The following SLC6A11 variants were observed in gnomAD, a reference collection of about 807,000 sequenced individuals.
SLC6A11 encodes the protein sodium- and chloride-dependent GABA transporter 3.
SLC6A11 carries 25 observed loss-of-function variants against 74.8 expected under a neutral mutation model. The ratio of observed to expected loss-of-function variants is 0.33; its 90% CI spans 0.24 to 0.47. The LOEUF is 0.47. SLC6A11 is among the 20% of genes least tolerant of loss of function. The pLI is 1.00. For synonymous variants in SLC6A11, 330 were observed against 330.2 expected, an observed-to-expected ratio of 1.00 and a Z score of 0.01; for missense variants, 574 against 837.0, an observed-to-expected ratio of 0.69 and a Z score of 3.88.
chr3:10,863,505 A>T (rs1221455785), intron 5 of SLC6A11, among the ~76,000 whole-genome samples: 3 of 152,222 alleles, frequency 2.0e-5, no homozygotes, highest in South Asian at 4.1e-4. Flanking sequence ...ATGCACACAG[A>T]GTGCCAGAGG....
chr3:10,839,403 G>T (rs1243428500), intron 4 of SLC6A11, among the ~76,000 whole-genome samples: 1 of 152,178 alleles, frequency 6.6e-6, no homozygotes, highest in Non-Finnish European at 1.5e-5. Flanking sequence ...AGTCCTGCAG[G>T]CATTGCCCTG....
intron 4 of SLC6A11, among the ~76,000 whole-genome samples, chr3:10,843,027 C>T (rs1057168577): frequency 2.0e-5 from 3 of 152,064 alleles, no homozygotes; most frequent in African/African-American, 4.8e-5. Flanking sequence ...AGTGCCGAAG[C>T]GACTGGCATG....
intron 5 of SLC6A11, among the ~76,000 whole-genome samples, chr3:10,848,624 G>T (rs971940334): frequency 6.6e-6 from 1 of 152,204 alleles, no homozygotes. Context: ...TGTGCTTTGG[G>T]CTCCTTGGGA....
chr3:10,919,610 C>G (rs1695509540), intron 8 of SLC6A11, among the ~76,000 whole-genome samples: 1 of 152,200 alleles, frequency 6.6e-6, no homozygotes, highest in Admixed American at 6.5e-5. Context: ...AGCTCTGCTC[C>G]ATGACTGTTC....
Position 10,875,066 on chromosome 3 carries a change from C to T in SLC6A11, c.862C>T (p.Pro288Ser). 6.2e-7 allele frequency: 1 copy of T among 1,612,584 alleles called. No individual in the cohort carries two copies. Among genetic ancestry groups the T allele is most frequent in the Non-Finnish European group, 8.5e-7 (1 of 1,179,008 alleles). The change falls in exon 6 of 14, where the codon CCT (proline) becomes TCT (serine). Residue 288 changes from proline to serine, a missense_variant. Pro to Ser is a moderately conservative substitution (Grantham distance 74). Around this residue, in one of 4 missense-constraint regions of SLC6A11, gnomAD observed 215 missense variants for 357.9 expected, o/e 0.60. Transcript: ENST00000254488. Reference sequence around the variant, plus strand: ...AGAGGGCATCAAGTTCTACTTGTACCCTGACCTCTCCCGGCTCTCCGACCC... The same window carrying T: ...AGAGGGCATCAAGTTCTACTTGTACTCTGACCTCTCCCGGCTCTCCGACCC... ...ASEGIKFYLY[P>S]DLSRLSDPQV... is the part of the protein sequence containing the mutation.
At chr3:10,933,872 G>A (rs1452349130) in intron 11 of SLC6A11, 194 bp from the exon 12 acceptor site, 2 of 489,122 alleles carry the variant, frequency 4.1e-6, no homozygotes, top group South Asian at 2.9e-5. Context: ...TAGTGGGCCA[G>A]CATCCCTCCT....
chr3:10,918,496 GC>G lies in SLC6A11; in HGVS notation c.1120+45del, dbSNP rs761329933. ...GGGGATGGAAAAGGCGGCAAGGGAG[GC>G]CAGGAGTGATGGTCATCATGGAAAT... On this transcript the variant is annotated intron_variant, in intron 8 of 13. Coordinates refer to ENST00000254488, the MANE Select transcript of SLC6A11 (RefSeq NM_014229.3). This position sits in a 1 kb window ranked among gnomAD's most constrained non-coding sequence, Gnocchi z 4.5. The G allele has an allele frequency of 3.2e-6, 5 of 1,577,132 alleles. No homozygotes were observed. The South Asian group carries it at 4.7e-5, about 15-fold the overall frequency.
At position 10,912,074 on chromosome 3, in the gene SLC6A11, T is replaced by C; in HGVS notation, c.892-16T>C. 1.3e-6 allele frequency: 2 copies of C among 1,571,724 alleles called. No individual in the cohort carries two copies. Among genetic ancestry groups the C allele is most frequent in the Non-Finnish European group, 1.8e-6 (2 of 1,141,258 alleles). ...CTGACTTCTGTTTATGCCAACATCT[T>C]TGTGCCTTCCTACAGGTCTGGGTAG... On this transcript the variant is annotated splice_polypyrimidine_tract_variant and intron_variant, in intron 6 of 13. Transcript: ENST00000254488.
chr3:10,862,010 A>T (rs761788703), intron 5 of SLC6A11, among the ~76,000 whole-genome samples: 30 of 152,096 alleles, frequency 2.0e-4, no homozygotes, highest in Non-Finnish European at 3.7e-4. Context: ...CTGGCTCCAA[A>T]TGCGGCCCCT....
Position 10,935,142 on chromosome 3 carries a change from C to G in SLC6A11, c.1689C>G (p.Leu563=). 6.2e-7 allele frequency: 1 copy of G among 1,614,250 alleles called. No homozygotes were observed. Among genetic ancestry groups the G allele is most frequent in the Non-Finnish European group, 8.5e-7 (1 of 1,180,040 alleles). ...IGWLMALSSM[L]CIPLWICITV... ...GGCTCATGGCCCTGTCCTCCATGCT[C>G]TGCATCCCGCTCTGGATCTGCATCA... The change falls in exon 13 of 14, where the codon CTC becomes CTG. Residue 563 remains leucine (L), a synonymous_variant. Transcript: ENST00000254488.
chr3:10,916,818 T>C (rs370118275), intron 7 of SLC6A11, among the ~76,000 whole-genome samples: 5 of 152,158 alleles, frequency 3.3e-5, no homozygotes, highest in African/African-American at 1.2e-4. Flanking sequence ...GTATAGCCAG[T>C]GAGATCAGGT....
chr3:10,904,397 G>T (rs1030965014), intron 6 of SLC6A11, among the ~76,000 whole-genome samples: 1 of 152,118 alleles, frequency 6.6e-6, no homozygotes, highest in African/African-American at 2.4e-5. Context: ...TTCTAAAGGG[G>T]CCCCACTCCC....
Position 10,929,202 on chromosome 3 carries a change from T to G in SLC6A11, c.1234T>G (p.Phe412Val). Residue 412 changes from phenylalanine (F) to valine (V), a missense_variant and splice_region_variant, in exon 10 of 14, where the codon TTT becomes GTT. Phe to Val is a conservative substitution (Grantham distance 50). Transcript: ENST00000254488. ...MLIFLGLDSQ[F>V]VCVESLVTAV... is the part of the protein sequence containing the mutation. ...CACACCATCATATCTCCCCATCCAG[T>G]TTGTGTGTGTGGAAAGCCTGGTGAC... is the stretch of plus-strand genomic sequence containing the variant. 1 of 1,613,674 alleles carries G rather than the reference T, an allele frequency of 6.2e-7. No individual in the cohort carries two copies. Among genetic ancestry groups the G allele is most frequent in the Non-Finnish European group, 8.5e-7 (1 of 1,179,838 alleles).
intron 5 of SLC6A11, among the ~76,000 whole-genome samples, chr3:10,872,017 C>A (rs1056877368): frequency 6.6e-6 from 1 of 152,212 alleles, no homozygotes; most frequent in Non-Finnish European, 1.5e-5. Flanking sequence ...GGTTTAAAAT[C>A]TCTGCTTTGT....
chr3:10,869,104 T>A (rs1694799391), intron 5 of SLC6A11, among the ~76,000 whole-genome samples: 1 of 152,224 alleles, frequency 6.6e-6, no homozygotes, highest in African/African-American at 2.4e-5. Flanking sequence ...CCTTATGTGC[T>A]ATATACACTG....
At chr3:10,912,886 C>T (rs1057020841) in intron 7 of SLC6A11, among the ~76,000 whole-genome samples, 4 of 152,054 alleles carry the variant, frequency 2.6e-5, no homozygotes, top group Admixed American at 6.5e-5. Flanking sequence ...GGTCTCTGCA[C>T]CCCTGAACTC....
intron 6 of SLC6A11, among the ~76,000 whole-genome samples, chr3:10,885,484 T>G (rs1695031645): frequency 6.6e-6 from 1 of 151,988 alleles, no homozygotes; most frequent in South Asian, 2.1e-4. Context: ...AGACATTTGG[T>G]AATGTCTAGA....
chr3:10,861,404 C>A (rs1056237395), intron 5 of SLC6A11, among the ~76,000 whole-genome samples: 3 of 152,068 alleles, frequency 2.0e-5, no homozygotes, highest in Non-Finnish European at 4.4e-5. Context: ...GTAGTCCTAG[C>A]TACTTTGGAG....
chr3:10,855,332 C>CA (rs992013696), intron 5 of SLC6A11, among the ~76,000 whole-genome samples: 1 of 152,152 alleles, frequency 6.6e-6, no homozygotes, highest in African/African-American at 2.4e-5. Flanking sequence ...ATAATGAATC[C>CA]AGAGCAACTT....
Sources: allele counts gnomAD v4.1 joint callset (sites outside exome capture counted in the v4.1 genomes callset), GRCh38; gene constraint gnomAD v4.1.1; regional missense constraint gnomAD v4.1.1; non-coding constraint Gnocchi (gnomAD v3.1); transcripts MANE v1.5; gene names NCBI Gene and HGNC (gene_info 2026-07-23, HGNC 2026-07-21).